GABRG3: variants seen among roughly 807,000 people sequenced by gnomAD.
The protein encoded by GABRG3 is gamma-aminobutyric acid receptor subunit gamma-3.
GABRG3 carries 25 observed loss-of-function variants against 48.8 expected under a neutral mutation model. That is an observed-to-expected ratio of 0.51 (90% CI 0.37 to 0.72). The LOEUF is 0.72. Among genes scored for constraint, GABRG3 ranks in the 30% least tolerant of loss-of-function variants. The pLI is 0.00. For synonymous variants in GABRG3, 227 were observed against 217.6 expected, an observed-to-expected ratio of 1.04 and a Z score of -0.38; for missense variants, 394 against 577.9, an observed-to-expected ratio of 0.68 and a Z score of 3.26.
chr15:27,447,770 A>C lies in GABRG3; in HGVS notation c.575-32880A>C, dbSNP rs887321860. 6.6e-6 allele frequency among the ~76,000 whole-genome samples: 1 copy of C among 152,220 alleles called. No individual in the cohort carries two copies. Among genetic ancestry groups the C allele is most frequent in the Non-Finnish European group, 1.5e-5 (1 of 68,038 alleles). On this transcript the variant is annotated intron_variant, in intron 5 of 9. Transcript: ENST00000615808. The surrounding 1 kb of genome is among the most constrained non-coding windows in gnomAD (Gnocchi z 4.0). ...ACAAGAATAGAAAAACAAACACTGC[A>C]TGTTCTCACTCATAAGTGGGAGTTG...
chr15:27,394,829 G>A lies in GABRG3; in HGVS notation c.574+65941G>A, dbSNP rs139585201. 2.2e-4 allele frequency among the ~76,000 whole-genome samples: 33 copies of A among 152,076 alleles called. 1 individual carries two copies. Among genetic ancestry groups the A allele is most frequent in the African/African-American group, 7.0e-4 (29 of 41,504 alleles). ...TGACAAGTCAGCTTTTGATCTTGTC[G>A]TTAAGCCCTTGTACTATGAGATTTT... On this transcript the variant is annotated intron_variant, in intron 5 of 9. Coordinates refer to ENST00000615808, the MANE Select transcript of GABRG3 (RefSeq NM_033223.5).
chr15:27,188,649 T>A (rs2140421024), intron 3 of GABRG3, among the ~76,000 whole-genome samples: 1 of 152,048 alleles, frequency 6.6e-6, no homozygotes, highest in East Asian at 1.9e-4. Flanking sequence ...ATGAGTAGGT[T>A]GTGAAAATTT....
chr15:27,520,860 T>C (rs1891143873), intron 7 of GABRG3, among the ~76,000 whole-genome samples: 1 of 135,600 alleles, frequency 7.4e-6, no homozygotes, highest in African/African-American at 3.0e-5. Context: ...ACATCTCTCA[T>C]ATTTGCATTG....
intron 5 of GABRG3, among the ~76,000 whole-genome samples, chr15:27,425,124 G>C (rs1888251149): frequency 6.6e-6 from 1 of 152,146 alleles, no homozygotes; most frequent in African/African-American, 2.4e-5. Flanking sequence ...AGTAAGAGCT[G>C]TCCGTACAAC....
At chr15:27,188,685 C>T (rs2140421041) in intron 3 of GABRG3, among the ~76,000 whole-genome samples, 1 of 152,016 alleles carries the variant, frequency 6.6e-6, no homozygotes, top group East Asian at 1.9e-4. Context: ...GTTGCCTGTT[C>T]ACTCTGATGG....
chr15:27,381,040 C>T (rs1431173899), intron 5 of GABRG3, among the ~76,000 whole-genome samples: 1 of 152,176 alleles, frequency 6.6e-6, no homozygotes, highest in Non-Finnish European at 1.5e-5. Flanking sequence ...GCTAGGATTA[C>T]AGGCCTGAGC....
intron 3 of GABRG3, among the ~76,000 whole-genome samples, chr15:27,218,351 A>G (rs74004729): frequency 1.7e-3 from 258 of 152,284 alleles, no homozygotes; most frequent in African/African-American, 6.0e-3. Context: ...GAGGGGTTTT[A>G]TGGCAATCCT....
chr15:27,112,706 C>T (rs984296590), intron 3 of GABRG3, among the ~76,000 whole-genome samples: 1 of 152,128 alleles, frequency 6.6e-6, no homozygotes, highest in African/African-American at 2.4e-5. Context: ...TCCCAAAGTG[C>T]TGGAATTACA....
chr15:27,480,851 C>G (rs777551520), intron 6 of GABRG3, 64 bp downstream of exon 6: 1 of 1,582,896 alleles, frequency 6.3e-7, no homozygotes, highest in Non-Finnish European at 8.6e-7. Context: ...CATATGTAGT[C>G]ATATCCTTAA....
At chr15:27,242,489 G>A (rs572696709) in intron 3 of GABRG3, among the ~76,000 whole-genome samples, 1 of 152,278 alleles carries the variant, frequency 6.6e-6, no homozygotes, top group Non-Finnish European at 1.5e-5. Flanking sequence ...AATTTACATA[G>A]AAATTAAAAG....
intron 1 of GABRG3, among the ~76,000 whole-genome samples, chr15:26,972,616 A>T (rs141356849): frequency 1.3e-5 from 2 of 152,244 alleles, no homozygotes; most frequent in African/African-American, 4.8e-5. Flanking sequence ...GGAGCTAGAG[A>T]ATCAGAGGGC....
At chr15:27,066,188 A>G (rs866250572) in intron 3 of GABRG3, among the ~76,000 whole-genome samples, 71 of 152,370 alleles carry the variant, frequency 4.7e-4, no homozygotes, top group African/African-American at 1.5e-3. Context: ...CTAAGCCCTG[A>G]TAGAGCTAAT....
At chr15:27,043,409 A>G (rs906957650) in intron 3 of GABRG3, among the ~76,000 whole-genome samples, 6 of 152,212 alleles carry the variant, frequency 3.9e-5, no homozygotes, top group Non-Finnish European at 2.9e-5. Context: ...GTTCTATATC[A>G]GCAAACTGAA....
intron 5 of GABRG3, among the ~76,000 whole-genome samples, chr15:27,477,261 G>A (rs1889967774): frequency 6.6e-6 from 1 of 152,136 alleles, no homozygotes. Context: ...AAAATTAAAT[G>A]AGCTATTAAG....
At chr15:27,471,035 G>T (rs1889773082) in intron 5 of GABRG3, among the ~76,000 whole-genome samples, 1 of 152,126 alleles carries the variant, frequency 6.6e-6, no homozygotes, top group South Asian at 2.1e-4. Context: ...ATTAGAGAAA[G>T]AGTTTAATTT....
intron 5 of GABRG3, among the ~76,000 whole-genome samples, chr15:27,368,035 C>T (rs146415505): frequency 1.3e-5 from 2 of 152,332 alleles, no homozygotes; most frequent in Non-Finnish European, 2.9e-5. Flanking sequence ...TTGGGCCTCT[C>T]ACCTCACACT....
At chr15:27,342,908 A>G (rs1031142703) in intron 5 of GABRG3, among the ~76,000 whole-genome samples, 3 of 152,220 alleles carry the variant, frequency 2.0e-5, no homozygotes, top group African/African-American at 7.2e-5. Context: ...CATTCTGCTC[A>G]GAGCTTAAAG....
intron 5 of GABRG3, among the ~76,000 whole-genome samples, chr15:27,441,374 C>A (rs563813312): frequency 7.6e-4 from 115 of 152,228 alleles, no homozygotes; most frequent in African/African-American, 2.7e-3. Flanking sequence ...TTGCTTGGCT[C>A]TAGATTTAGC....
At chr15:27,112,476 G>T (rs1031685868) in intron 3 of GABRG3, among the ~76,000 whole-genome samples, 4 of 138,092 alleles carry the variant, frequency 2.9e-5, no homozygotes, top group African/African-American at 5.6e-5. Flanking sequence ...GTCTCACTGT[G>T]TTGCCCAGGC....
Sources: gnomAD v4.1 joint callset for allele counts (sites outside exome capture counted in the v4.1 genomes callset) on GRCh38, gnomAD v4.1.1 for gene constraint, Gnocchi (gnomAD v3.1) non-coding constraint, MANE v1.5 for transcripts, NCBI Gene and HGNC (gene_info 2026-07-23, HGNC 2026-07-21) for gene names.